Variants in DACH1 observed in about 807,000 individuals in gnomAD.
DACH1 encodes dachshund homolog 1.
Under a neutral mutation model 54.2 loss-of-function variants are expected in DACH1, and 12 were observed. The ratio of observed to expected loss-of-function variants is 0.22; its 90% CI spans 0.14 to 0.36. DACH1 has a LOEUF of 0.36. DACH1 is among the 10% of genes least tolerant of loss of function. The pLI is 1.00. For missense variants in DACH1, 805 were observed against 929.8 expected (o/e 0.87, Z 1.75); for synonymous variants, 386 against 366.2 (o/e 1.05, Z -0.62).
chr13:71,666,701 A>G (rs1288318098), intron 2 of DACH1, among the ~76,000 whole-genome samples: 1 of 152,128 alleles, frequency 6.6e-6, no homozygotes, highest in East Asian at 1.9e-4. Context: ...GTAAAAAACG[A>G]CCAGGTGCAG....
chr13:71,681,695 A>G (rs1462641170), intron 2 of DACH1, 100 bp downstream of exon 2: 6 of 699,592 alleles, frequency 8.6e-6, no homozygotes, highest in Non-Finnish European at 1.4e-5. Flanking sequence ...ACAAAATATA[A>G]TTGATGTGTG....
intron 1 of DACH1, among the ~76,000 whole-genome samples, chr13:71,796,503 T>C (rs188502088): frequency 1.3e-5 from 2 of 148,782 alleles, no homozygotes; most frequent in East Asian, 7.1e-4. Flanking sequence ...AGAAATGCCA[T>C]AATGTTTTGG....
intron 6 of DACH1, among the ~76,000 whole-genome samples, chr13:71,517,667 A>G (rs1371715668): frequency 6.6e-6 from 1 of 151,936 alleles, no homozygotes. Context: ...CATAAGAAGT[A>G]GAAAACATTA....
chr13:71,583,310 C>A (rs1872979099), intron 3 of DACH1, among the ~76,000 whole-genome samples: 1 of 151,886 alleles, frequency 6.6e-6, no homozygotes, highest in Non-Finnish European at 1.5e-5. Flanking sequence ...ATTTTTGTTT[C>A]TTTTTTGCAA....
chr13:71,864,679 C>T (rs953393051), intron 1 of DACH1, among the ~76,000 whole-genome samples: 2 of 152,098 alleles, frequency 1.3e-5, no homozygotes, highest in East Asian at 3.9e-4. Context: ...ACCGTGGGGA[C>T]AAAGCGGCGC....
intron 1 of DACH1, among the ~76,000 whole-genome samples, chr13:71,750,933 AT>A (rs1182465742): frequency 3.9e-5 from 6 of 152,238 alleles, no homozygotes; most frequent in South Asian, 2.1e-4. Flanking sequence ...GCTAAAAAAA[AT>A]AAATCCTATG....
chr13:71,635,271 C>A (rs1877398601), intron 2 of DACH1, among the ~76,000 whole-genome samples: 1 of 152,190 alleles, frequency 6.6e-6, no homozygotes, highest in African/African-American at 2.4e-5. Context: ...AAAGGTATGT[C>A]TTGCCTAGGG....
At chr13:71,638,979 C>A (rs560241300) in intron 2 of DACH1, among the ~76,000 whole-genome samples, 32 of 152,130 alleles carry the variant, frequency 2.1e-4, no homozygotes, top group Non-Finnish European at 2.9e-4. Flanking sequence ...CTGCTCCTGA[C>A]AGTTCCTATA....
intron 1 of DACH1, among the ~76,000 whole-genome samples, chr13:71,710,115 T>C (rs1405760954): frequency 6.6e-6 from 1 of 152,172 alleles, no homozygotes; most frequent in African/African-American, 2.4e-5. Flanking sequence ...AATGTGATTA[T>C]AAATAGTCTA....
At chr13:71,641,611 G>A (rs1235767771) in intron 2 of DACH1, among the ~76,000 whole-genome samples, 1 of 152,090 alleles carries the variant, frequency 6.6e-6, no homozygotes, top group Non-Finnish European at 1.5e-5. Flanking sequence ...AGTTAATCTA[G>A]AAAAACACAT....
intron 6 of DACH1, among the ~76,000 whole-genome samples, chr13:71,490,302 G>A (rs1053684907): frequency 1.4e-4 from 21 of 152,018 alleles, no homozygotes; most frequent in African/African-American, 4.6e-4. Flanking sequence ...TTCCAATTAC[G>A]TCTCTCTGGG....
intron 1 of DACH1, among the ~76,000 whole-genome samples, chr13:71,815,152 C>T (rs1178377712): frequency 6.6e-6 from 1 of 152,098 alleles, no homozygotes; most frequent in Admixed American, 6.5e-5. Flanking sequence ...ACTTAGCAAG[C>T]TAGTTGACAT....
chr13:71,774,501 G>A (rs1885984037), intron 1 of DACH1, among the ~76,000 whole-genome samples: 1 of 152,116 alleles, frequency 6.6e-6, no homozygotes, highest in South Asian at 2.1e-4. Flanking sequence ...AAAACATGTG[G>A]AGGCAGAAGG....
intron 1 of DACH1, among the ~76,000 whole-genome samples, chr13:71,819,365 A>G (rs925739290): frequency 6.6e-6 from 1 of 152,262 alleles, no homozygotes; most frequent in African/African-American, 2.4e-5. Flanking sequence ...TCTGGCTCCC[A>G]GAGAGCAAAG....
intron 1 of DACH1, among the ~76,000 whole-genome samples, chr13:71,712,883 A>C (rs1431599117): frequency 6.6e-6 from 1 of 152,156 alleles, no homozygotes; most frequent in East Asian, 1.9e-4. Context: ...TTAAACACTT[A>C]TAGCAATGAC....
intron 1 of DACH1, among the ~76,000 whole-genome samples, chr13:71,766,789 C>G (rs537983505): frequency 6.6e-6 from 1 of 151,662 alleles, no homozygotes; most frequent in East Asian, 1.9e-4. Context: ...AATTTCAATA[C>G]ATGAAATTAT....
At chr13:71,805,498 T>C (rs1016829597) in intron 1 of DACH1, among the ~76,000 whole-genome samples, 8 of 152,186 alleles carry the variant, frequency 5.3e-5, no homozygotes, top group African/African-American at 1.9e-4. Flanking sequence ...ATTCACACTT[T>C]CAATATTTAA....
At chr13:71,863,952 T>C (rs1449112777) in intron 1 of DACH1, among the ~76,000 whole-genome samples, 1 of 151,840 alleles carries the variant, frequency 6.6e-6, no homozygotes, top group Non-Finnish European at 1.5e-5. Context: ...AACAATCGTA[T>C]CTGAACTAGC....
intron 1 of DACH1, among the ~76,000 whole-genome samples, chr13:71,824,705 C>T (rs1888315766): frequency 6.6e-6 from 1 of 151,984 alleles, no homozygotes; most frequent in Non-Finnish European, 1.5e-5. Context: ...ATTTCAATTA[C>T]TACTTCATCA....
Sources: allele counts gnomAD v4.1 joint callset (sites outside exome capture counted in the v4.1 genomes callset), GRCh38; gene constraint gnomAD v4.1.1; transcripts MANE v1.5; gene names NCBI Gene and HGNC (gene_info 2026-07-23, HGNC 2026-07-21).